The following MYEF2 variants were observed in gnomAD, a reference collection of about 807,000 sequenced individuals.
The protein encoded by MYEF2 is myelin expression factor 2, also known as myelin gene expression factor 2.
MYEF2 carries 37 observed loss-of-function variants against 75.2 expected under a neutral mutation model. That is an observed-to-expected ratio of 0.49 (90% CI 0.38 to 0.65). The LOEUF (loss-of-function observed/expected upper bound fraction) is 0.65, where lower values mean the gene tolerates loss of function less well. Ranked by LOEUF, MYEF2 falls within the 30% of genes least tolerant of loss-of-function variation. MYEF2 has a pLI of 0.00. For synonymous variants in MYEF2, 195 were observed against 241.6 expected (o/e 0.81, Z 1.79); for missense variants, 634 against 771.4 (o/e 0.82, Z 2.11).
chr15:48,156,176 T>C (rs2039689719), intron 9 of MYEF2, among the ~76,000 whole-genome samples: 1 of 152,168 alleles, frequency 6.6e-6, no homozygotes, highest in Non-Finnish European at 1.5e-5. Context: ...ATGCTTATAT[T>C]AGAAAGGAAA....
At chr15:48,156,237 C>T (rs1387310884) in intron 9 of MYEF2, among the ~76,000 whole-genome samples, 1 of 152,050 alleles carries the variant, frequency 6.6e-6, no homozygotes, top group East Asian at 1.9e-4. Flanking sequence ...GACAAAAACA[C>T]ACTAAACCCC....
At chr15:48,166,279 G>A in intron 3 of MYEF2, 151 bp from the exon 4 acceptor site, 1 of 555,796 alleles carries the variant, frequency 1.8e-6, no homozygotes, top group South Asian at 4.2e-5. Context: ...GAACATAACA[G>A]GCAAGTAACC....
chr15:48,151,722 TCATCCCC>T, intron 12 of MYEF2, 145 bp downstream of exon 12: 4 of 1,132,292 alleles, frequency 3.5e-6, no homozygotes, highest in Non-Finnish European at 5.2e-6. Flanking sequence ...GCCACACATA[TCATCCCC>T]ATTCCCCAGG....
chr15:48,157,873 C>G (rs2039763133), intron 9 of MYEF2, 120 bp downstream of exon 9: 6 of 1,497,190 alleles, frequency 4.0e-6, no homozygotes, highest in Non-Finnish European at 5.3e-6. Flanking sequence ...CTTCATAACT[C>G]CAAACTAATC....
At chr15:48,176,188 G>A (rs1272245273) in intron 1 of MYEF2, among the ~76,000 whole-genome samples, 1 of 148,574 alleles carries the variant, frequency 6.7e-6, no homozygotes, top group Non-Finnish European at 1.5e-5. Context: ...TATGTATTGG[G>A]GTTGTTATCC....
At chr15:48,158,990 TC>T in intron 6 of MYEF2, 68 bp from the exon 7 acceptor site, 1 of 1,398,546 alleles carries the variant, frequency 7.2e-7, no homozygotes, top group South Asian at 1.3e-5. Context: ...ATACAAAAAA[TC>T]TTTTCTAAAC....
chr15:48,169,666 C>CG (rs1787126499), intron 1 of MYEF2, among the ~76,000 whole-genome samples: 1 of 150,622 alleles, frequency 6.6e-6, no homozygotes, highest in Non-Finnish European at 1.5e-5. Context: ...GGTGCAATCT[C>CG]GACTCACTGC....
rs1300144945 is a variant in MYEF2, at chr15:48,141,301, G to A, written c.*1607C>T. The A allele has an allele frequency of 6.9e-5, 76 of 1,109,428 alleles. 1 individual carries two copies. The South Asian group carries it at 6.9e-4, about 10-fold the overall frequency. The allele number at this position is 1,109,428 out of a possible 1,614,324, so 68.7% of individuals were successfully genotyped here. A position where few individuals can be genotyped will look rare whatever the true frequency, so the allele number is the denominator to read the frequency against. ...GCTTTAAAAATGTTTACTTCCAGCC[G>A]GGTGTGGTGGCTCGCGCCTGTAATC... On this transcript the variant is annotated 3_prime_UTR_variant, in exon 17 of 17. Coordinates refer to ENST00000324324, the MANE Select transcript of MYEF2 (RefSeq NM_016132.5).
At position 48,156,522 on chromosome 15, in the gene MYEF2, C is replaced by T. The variant is rs186995816; in HGVS notation, c.985+1471G>A. On this transcript the variant is annotated intron_variant, in intron 9 of 16. Transcript: ENST00000324324. ...CAAAAATTGACTCAAAAAAAAAAGA[C>T]AGAAAATATAAACCATCAGTAGTTA... is the stretch of plus-strand genomic sequence containing the variant. 4.0e-5 allele frequency among the ~76,000 whole-genome samples: 6 copies of T among 149,730 alleles called. No individual in the cohort carries two copies. In the East Asian group the frequency reaches 9.8e-4, roughly 25 times the overall value.
intron 5 of MYEF2, among the ~76,000 whole-genome samples, chr15:48,162,080 T>C (rs529772576): frequency 6.6e-6 from 1 of 151,796 alleles, no homozygotes; most frequent in African/African-American, 2.4e-5. Context: ...ATAACTTTTT[T>C]AATAATAAAC....
intron 16 of MYEF2, among the ~76,000 whole-genome samples, chr15:48,143,598 CCAAAGCCGTTTATT>C (rs1022564230): frequency 2.6e-5 from 4 of 152,102 alleles, no homozygotes; most frequent in African/African-American, 9.6e-5. Flanking sequence ...AACCACAGTG[CCAAAGCCGTTTATT>C]CAATATCACA....
At chr15:48,168,512 A>C (rs948425090) in intron 2 of MYEF2, 119 bp downstream of exon 2, 5 of 727,710 alleles carry the variant, frequency 6.9e-6, no homozygotes, top group Non-Finnish European at 1.1e-5. Flanking sequence ...TTCACATGTC[A>C]AGAAATAAAA....
chr15:48,138,799 C>T lies in MYEF2; in HGVS notation c.*4109G>A. 2 of 582,940 alleles carry T rather than the reference C, an allele frequency of 3.4e-6. No individual in the cohort carries two copies. Among genetic ancestry groups the T allele is most frequent in the Non-Finnish European group, 6.2e-6 (2 of 324,544 alleles). The allele number at this position is 582,940 out of a possible 1,614,324, so 36.1% of individuals were successfully genotyped here. A position where few individuals can be genotyped will look rare whatever the true frequency, so the allele number is the denominator to read the frequency against. On this transcript the variant is annotated 3_prime_UTR_variant, in exon 17 of 17. Transcript: ENST00000324324. Reference sequence around the variant, plus strand: ...TCTTACATTGTCTGCCCTAAAGTTTCAATTAGTTTCTTTTCACCAGCAATA... The same window carrying T: ...TCTTACATTGTCTGCCCTAAAGTTTTAATTAGTTTCTTTTCACCAGCAATA...
chr15:48,148,586 A>G (rs539328156), intron 16 of MYEF2, among the ~76,000 whole-genome samples: 72 of 152,140 alleles, frequency 4.7e-4, no homozygotes, highest in Non-Finnish European at 8.5e-4. Flanking sequence ...CTCACCTATT[A>G]ACTCCTTTAT....
chr15:48,151,863 C>G lies in MYEF2; in HGVS notation c.1207+11G>C, dbSNP rs1168393000. ...ATATGCACACACTTCCCACTGCATACATTTACCTACCTCCCATTCGGCCAA... is the reference window on the plus strand; with the variant it reads ...ATATGCACACACTTCCCACTGCATAGATTTACCTACCTCCCATTCGGCCAA... On this transcript the variant is annotated intron_variant, in intron 12 of 16. Coordinates refer to ENST00000324324, the MANE Select transcript of MYEF2 (RefSeq NM_016132.5). 3 of 1,612,504 alleles carry G rather than the reference C, an allele frequency of 1.9e-6. No individual in the cohort carries two copies. Among genetic ancestry groups the G allele is most frequent in the African/African-American group, 2.7e-5 (2 of 74,824 alleles).
intron 9 of MYEF2, among the ~76,000 whole-genome samples, chr15:48,155,294 T>C (rs2039651884): frequency 6.6e-6 from 1 of 151,926 alleles, no homozygotes; most frequent in Admixed American, 6.6e-5. Flanking sequence ...AAGTAACTAC[T>C]AGAGAAAAAA....
rs1373586206 is a variant in MYEF2, at chr15:48,136,077, AG to A, written c.*6830del. On this transcript the variant is annotated 3_prime_UTR_variant, in exon 17 of 17. Coordinates refer to ENST00000324324, the MANE Select transcript of MYEF2 (RefSeq NM_016132.5). ...TACAGGGAAACAGTTCTTGGTTCCA[AG>A]GGTATAATTTTATATTTTAGAACAT... 1 of 152,144 alleles carries A rather than the reference AG, an allele frequency of 6.6e-6. No homozygotes were observed. The highest frequency in any genetic ancestry group is 1.5e-5 in the Non-Finnish European group (1 of 68,012). The allele number at this position is 152,144 out of a possible 1,614,324, so 9.4% of individuals were successfully genotyped here.
At chr15:48,177,439 G>C (rs1475471025) in intron 1 of MYEF2, among the ~76,000 whole-genome samples, 1 of 151,780 alleles carries the variant, frequency 6.6e-6, no homozygotes, top group Non-Finnish European at 1.5e-5. Context: ...TACCCAGTGG[G>C]AAGGGAAGCC....
Position 48,151,146 on chromosome 15 carries a change from T to C in MYEF2, c.1332A>G (p.Ala444=). ...CCATGTTAGAAGATCCTATTCTTCC[T>C]GCAAACCCTCCAATCATTGCACTGC... ...RLGSAMIGGF[A]GRIGSSNMGP... is the part of the protein sequence containing the mutation. Residue 444 remains alanine, a synonymous_variant, in exon 14 of 17, where the codon GCA becomes GCG. Transcript: ENST00000324324. 6.2e-7 allele frequency: 1 copy of C among 1,610,976 alleles called. No individual in the cohort carries two copies.
Sources: allele counts gnomAD v4.1 joint callset (sites outside exome capture counted in the v4.1 genomes callset), GRCh38; gene constraint gnomAD v4.1.1; transcripts MANE v1.5; gene names NCBI Gene and HGNC (gene_info 2026-07-23, HGNC 2026-07-21).